KIAA1217: variants seen among roughly 807,000 people sequenced by gnomAD.
KIAA1217 encodes KIAA1217.
Under a neutral mutation model 163.9 loss-of-function variants are expected in KIAA1217, and 88 were observed. The observed-to-expected ratio is 0.54, with a 90% confidence interval of 0.45 to 0.64. KIAA1217 has a LOEUF of 0.64. KIAA1217 is among the 30% of genes least tolerant of loss of function. KIAA1217 has a pLI of 0.00. For synonymous variants in KIAA1217, 903 were observed against 923.1 expected (o/e 0.98, Z 0.39); for missense variants, 2,372 against 2,475.0 (o/e 0.96, Z 0.88).
rs182480326 is a variant in KIAA1217 at position 24,246,329 on chromosome 10, C to T, written c.354+26420C>T. 2.0e-4 allele frequency among the ~76,000 whole-genome samples: 31 copies of T among 152,290 alleles called. No homozygotes were observed. In the East Asian group the frequency reaches 5.2e-3, roughly 26 times the overall value. On this transcript the variant is annotated intron_variant, in intron 2 of 20. Coordinates refer to ENST00000376454, the MANE Select transcript of KIAA1217 (RefSeq NM_019590.5). ...GCTGGTTAGATTGCTTCTTTTTTCTCTCCCTGTTGTGAACAGGACTGCAGT... is the reference window on the plus strand; with the variant it reads ...GCTGGTTAGATTGCTTCTTTTTTCTTTCCCTGTTGTGAACAGGACTGCAGT...
At chr10:24,497,771 G>T (rs146829936) in intron 8 of KIAA1217, among the ~76,000 whole-genome samples, 1 of 150,076 alleles carries the variant, frequency 6.7e-6, no homozygotes, top group African/African-American at 2.5e-5. Context: ...TGAGTAGATA[G>T]TGGTGCCACT....
chr10:23,773,578 A>T (rs1222517437), intron 1 of KIAA1217, among the ~76,000 whole-genome samples: 1 of 152,140 alleles, frequency 6.6e-6, no homozygotes, highest in Non-Finnish European at 1.5e-5. Context: ...CACGATATTG[A>T]TTCTTCCTAC....
At chr10:24,140,469 A>C (rs2064016126) in intron 2 of KIAA1217, among the ~76,000 whole-genome samples, 1 of 152,090 alleles carries the variant, frequency 6.6e-6, no homozygotes. Context: ...ATAAGCTTGA[A>C]CCCAAGCACT....
At chr10:23,927,500 C>G (rs1843074102) in intron 1 of KIAA1217, among the ~76,000 whole-genome samples, 1 of 152,076 alleles carries the variant, frequency 6.6e-6, no homozygotes, top group African/African-American at 2.4e-5. Context: ...TTTGAAGGAT[C>G]AAAATCAAAT....
chr10:24,401,542 A>C (rs1361145979), intron 3 of KIAA1217, among the ~76,000 whole-genome samples: 1 of 152,190 alleles, frequency 6.6e-6, no homozygotes, highest in Non-Finnish European at 1.5e-5. Context: ...TCTAACAACA[A>C]TTCATGATTA....
chr10:24,141,617 C>A (rs2064085534), intron 2 of KIAA1217, among the ~76,000 whole-genome samples: 1 of 152,176 alleles, frequency 6.6e-6, no homozygotes, highest in Non-Finnish European at 1.5e-5. Context: ...TCCTTGAGAA[C>A]TGAACTATGA....
chr10:24,088,068 A>G (rs1396246599), intron 2 of KIAA1217, among the ~76,000 whole-genome samples: 1 of 123,252 alleles, frequency 8.1e-6, no homozygotes, highest in South Asian at 2.8e-4. Context: ...CACATCTCAC[A>G]GTGGTCCTAC....
At chr10:23,726,226 A>G (rs530009525) in intron 1 of KIAA1217, among the ~76,000 whole-genome samples, 4 of 150,556 alleles carry the variant, frequency 2.7e-5, no homozygotes, top group East Asian at 1.9e-4. Context: ...ATTAACCTCT[A>G]TAAAGTTTCT....
chr10:24,342,072 AGGGCT>A (rs758104860), intron 2 of KIAA1217, among the ~76,000 whole-genome samples: 47 of 152,240 alleles, frequency 3.1e-4, no homozygotes, highest in Admixed American at 1.7e-3. Context: ...TTGCAGCCAG[AGGGCT>A]TGTTTTAGAA....
intron 2 of KIAA1217, among the ~76,000 whole-genome samples, chr10:24,226,449 A>AC (rs1295350518): frequency 1.3e-5 from 2 of 151,286 alleles, no homozygotes; most frequent in Non-Finnish European, 2.9e-5. Context: ...ACACGGTGAA[A>AC]CCCCGTCTCT....
chr10:24,316,183 T>G (rs977599117), intron 2 of KIAA1217, among the ~76,000 whole-genome samples: 1 of 152,170 alleles, frequency 6.6e-6, no homozygotes, highest in South Asian at 2.1e-4. Context: ...ACAGGTATTC[T>G]ACAATCCGAG....
chr10:23,708,555 G>A (rs1428019831), intron 1 of KIAA1217, among the ~76,000 whole-genome samples: 1 of 152,140 alleles, frequency 6.6e-6, no homozygotes, highest in African/African-American at 2.4e-5. Flanking sequence ...GAGCTCTGAA[G>A]GACAGGAAGA....
intron 2 of KIAA1217, among the ~76,000 whole-genome samples, chr10:24,294,761 T>C (rs1283688346): frequency 6.6e-6 from 1 of 152,222 alleles, no homozygotes; most frequent in Non-Finnish European, 1.5e-5. Context: ...CAGAGACTTC[T>C]GATGTCTCCT....
At chr10:24,531,036 AAAAAAG>A (rs1408656666) in intron 14 of KIAA1217, among the ~76,000 whole-genome samples, 2 of 151,910 alleles carry the variant, frequency 1.3e-5, no homozygotes, top group African/African-American at 4.8e-5. Context: ...CCTGTAAAAA[AAAAAAG>A]AAAAGAAAAG....
chr10:23,995,400 C>T (rs1022089103), intron 1 of KIAA1217, among the ~76,000 whole-genome samples: 2 of 151,920 alleles, frequency 1.3e-5, no homozygotes, highest in Admixed American at 1.3e-4. Flanking sequence ...GGTAAAAACC[C>T]CTCAAAGCAA....
intron 2 of KIAA1217, among the ~76,000 whole-genome samples, chr10:24,058,466 CT>C (rs2131595534): frequency 6.6e-6 from 1 of 152,238 alleles, no homozygotes; most frequent in African/African-American, 2.4e-5. Flanking sequence ...TGCATTGAAT[CT>C]GTAGATTACT....
At chr10:24,297,299 G>C (rs886309251) in intron 2 of KIAA1217, among the ~76,000 whole-genome samples, 4 of 152,268 alleles carry the variant, frequency 2.6e-5, no homozygotes, top group East Asian at 1.9e-4. Context: ...TTTAATAATT[G>C]CATGCTTAGT....
intron 1 of KIAA1217, among the ~76,000 whole-genome samples, chr10:23,726,071 C>T (rs890085680): frequency 6.6e-6 from 1 of 152,062 alleles, no homozygotes; most frequent in Admixed American, 6.6e-5. Flanking sequence ...GTGTTTGCAA[C>T]TTTTTTCTTC....
At chr10:24,092,019 C>G (rs2061955755) in intron 2 of KIAA1217, among the ~76,000 whole-genome samples, 1 of 151,736 alleles carries the variant, frequency 6.6e-6, no homozygotes, top group South Asian at 2.1e-4. Flanking sequence ...TATCAAAAGC[C>G]AGTCCCTCCC....
Sources: gnomAD v4.1 joint callset for allele counts (sites outside exome capture counted in the v4.1 genomes callset) on GRCh38, gnomAD v4.1.1 for gene constraint, MANE v1.5 for transcripts, NCBI Gene and HGNC (gene_info 2026-07-23, HGNC 2026-07-21) for gene names.